The following FIBIN variants were observed in gnomAD, a reference collection of about 807,000 sequenced individuals.
FIBIN encodes the protein fin bud initiation factor homolog (zebrafish).
Under a neutral mutation model 13.0 loss-of-function variants are expected in FIBIN, and 8 were observed. The observed-to-expected ratio is 0.62, with a 90% CI of 0.36 to 1.11. FIBIN has a LOEUF of 1.11. Among genes scored for constraint, FIBIN ranks in the 50% most tolerant of loss-of-function variants. FIBIN has a pLI of 0.02. For missense variants in FIBIN, 261 were observed against 260.2 expected, an observed-to-expected ratio of 1.00 and a Z score of -0.02; for synonymous variants, 127 against 114.7, an observed-to-expected ratio of 1.11 and a Z score of -0.69.
Position 26,994,305 on chromosome 11 carries a change from G to A in FIBIN, c.-222G>A. On this transcript the variant is annotated 5_prime_UTR_variant, in exon 1 of 1. Coordinates refer to ENST00000318627, the MANE Select transcript of FIBIN (RefSeq NM_203371.2). ...GAGTTCCAGTCACCGAGCGAGGGGC[G>A]CAAGGGTGGGTGCATCCTGCGCTGC... 2 of 482,670 alleles carry A rather than the reference G, an allele frequency of 4.1e-6. No homozygotes were observed. Among genetic ancestry groups the A allele is most frequent in the Non-Finnish European group, 7.3e-6 (2 of 274,640 alleles). 29.9% of individuals were successfully genotyped at this position (482,670 alleles called of 1,614,324 possible). A position where few individuals can be genotyped will look rare whatever the true frequency, so the allele number is the denominator to read the frequency against.
Position 26,994,736 on chromosome 11 carries a change from C to T in FIBIN, c.210C>T (p.Ser70=), listed in dbSNP as rs997596003. The change falls in exon 1 of 1, where the codon AGC becomes AGT. Residue 70 remains serine (S), a synonymous_variant. Transcript: ENST00000318627. Reference sequence around the variant, plus strand: ...GGCGCTGCTCCCAGGGGGAGGGGAGCCAGGTTGGCAGCCTGCTGAGCCTCA... The same window carrying T: ...GGCGCTGCTCCCAGGGGGAGGGGAGTCAGGTTGGCAGCCTGCTGAGCCTCA... ...DHRRCSQGEG[S]QVGSLLSLTL... is the part of the protein sequence containing the mutation. 1.3e-5 allele frequency: 21 copies of T among 1,613,312 alleles called. No individual in the cohort carries two copies. Among genetic ancestry groups the T allele is most frequent in the Admixed American group, 1.2e-4 (7 of 59,932 alleles).
rs187633315 is a variant in FIBIN, at chr11:26,996,274, T to C, written c.*1112T>C. Among the ~76,000 whole-genome samples, 10 of 152,326 alleles carry C rather than the reference T, an allele frequency of 6.6e-5. No homozygotes were observed. In the East Asian group the frequency reaches 1.9e-3, roughly 29 times the overall value. ...AGCTACATATTTGGCAATTCTCCTC[T>C]CTGTAGTCACCCTGACATCCTCACA... On this transcript the variant is annotated 3_prime_UTR_variant, in exon 1 of 1. Transcript: ENST00000318627.
Position 26,994,431 on chromosome 11 carries a change from T to C in FIBIN, c.-96T>C. 1 of 1,228,720 alleles carries C rather than the reference T, an allele frequency of 8.1e-7. No homozygotes were observed. Among genetic ancestry groups the C allele is most frequent in the South Asian group, 1.4e-5 (1 of 69,172 alleles). 76.1% of individuals were successfully genotyped at this position (1,228,720 alleles called of 1,614,324 possible). A position where few individuals can be genotyped will look rare whatever the true frequency, so the allele number is the denominator to read the frequency against. Reference sequence around the variant, plus strand: ...AGCCAGCTGGGACTGAGGCGGACGCTGTCTCAGGGAGACGCTGACTCGCAA... The same window carrying C: ...AGCCAGCTGGGACTGAGGCGGACGCCGTCTCAGGGAGACGCTGACTCGCAA... On this transcript the variant is annotated 5_prime_UTR_variant, in exon 1 of 1. Transcript: ENST00000318627.
Position 26,994,606 on chromosome 11 carries a change from A to G in FIBIN, c.80A>G (p.Glu27Gly). The change falls in exon 1 of 1, where the codon GAG (glutamate) becomes GGG (glycine). Residue 27 changes from glutamate to glycine, a missense_variant. Transcript: ENST00000318627. Reference sequence around the variant, plus strand: ...TACTTCGATGGCCCCCTCTACCCAGAGATGTCCAATGGGACTCTGCACCAC... The same window carrying G: ...TACTTCGATGGCCCCCTCTACCCAGGGATGTCCAATGGGACTCTGCACCAC... ...QGYFDGPLYP[E>G]MSNGTLHHYF... The G allele has an allele frequency of 6.2e-7, 1 of 1,614,078 alleles. No individual in the cohort carries two copies. Among genetic ancestry groups the G allele is most frequent in the South Asian group, 1.1e-5 (1 of 91,086 alleles).
At position 26,994,390 on chromosome 11, in the gene FIBIN, G is replaced by A; in HGVS notation, c.-137G>A. 4 of 791,796 alleles carry A rather than the reference G, an allele frequency of 5.1e-6. No homozygotes were observed. Among genetic ancestry groups the A allele is most frequent in the Non-Finnish European group, 7.9e-6 (4 of 506,306 alleles). 49.0% of individuals were successfully genotyped at this position (791,796 alleles called of 1,614,324 possible). On this transcript the variant is annotated 5_prime_UTR_variant, in exon 1 of 1. Coordinates refer to ENST00000318627, the MANE Select transcript of FIBIN (RefSeq NM_203371.2). Reference sequence around the variant, plus strand: ...CCACATGAAGCCTGCTGGGGACTGGGGGCCAGGGAGCAGCAAGCCAGCTGG... The same window carrying A: ...CCACATGAAGCCTGCTGGGGACTGGAGGCCAGGGAGCAGCAAGCCAGCTGG...
Position 26,996,987 on chromosome 11 carries a change from AAAG to A in FIBIN, c.*1830_*1832del, listed in dbSNP as rs777185883. ...TGTTGCTTTCTAGACTTGTGTGTAG[AAAG>A]AAGATTAATGATCACTTAAAGTAGT... On this transcript the variant is annotated 3_prime_UTR_variant, in exon 1 of 1. Transcript: ENST00000318627. 1.3e-4 allele frequency among the ~76,000 whole-genome samples: 20 copies of A among 152,202 alleles called. No individual in the cohort carries two copies. Among genetic ancestry groups the A allele is most frequent in the African/African-American group, 3.1e-4 (13 of 41,462 alleles).
Position 26,994,575 on chromosome 11 carries a change from C to G in FIBIN, c.49C>G (p.Gln17Glu), listed in dbSNP as rs1850902074. ...FCMSFFCHLC[Q>E]GYFDGPLYPE... is the part of the protein sequence containing the mutation. ...CATGAGTTTCTTCTGCCACCTGTGTCAAGGCTACTTCGATGGCCCCCTCTA... is the reference window on the plus strand; with the variant it reads ...CATGAGTTTCTTCTGCCACCTGTGTGAAGGCTACTTCGATGGCCCCCTCTA... Residue 17 changes from glutamine to glutamate, a missense_variant, in exon 1 of 1, where the codon CAA (glutamine) becomes GAA (glutamate). Coordinates refer to ENST00000318627, the MANE Select transcript of FIBIN (RefSeq NM_203371.2). The G allele has an allele frequency of 1.2e-6, 2 of 1,612,872 alleles. No homozygotes were observed. The highest frequency in any genetic ancestry group is 2.2e-5 in the East Asian group (1 of 44,848).
Position 26,994,992 on chromosome 11 carries a change from A to G in FIBIN, c.466A>G (p.Ser156Gly). 6.2e-7 allele frequency: 1 copy of G among 1,614,064 alleles called. No homozygotes were observed. Among genetic ancestry groups the G allele is most frequent in the Non-Finnish European group, 8.5e-7 (1 of 1,180,000 alleles). The change falls in exon 1 of 1, where the codon AGC becomes GGC. Residue 156 changes from serine (S) to glycine (G), a missense_variant. By Grantham distance (56) the Ser-to-Gly change is moderately conservative. Transcript: ENST00000318627. Reference protein sequence around the residue: ...QGQEQDSRQESRLNEDFLGML... With the variant: ...QGQEQDSRQEGRLNEDFLGML... Reference sequence around the variant, plus strand: ...CCAGGAACAGGACAGCCGGCAGGAGAGCAGGCTCAACGAGGACTTTCTGGG... The same window carrying G: ...CCAGGAACAGGACAGCCGGCAGGAGGGCAGGCTCAACGAGGACTTTCTGGG...
rs1158141981 is a variant in FIBIN, at chr11:26,995,989, T to C, written c.*827T>C. 6.0e-6 allele frequency: 1 copy of C among 166,376 alleles called. No individual in the cohort carries two copies. The highest frequency in any genetic ancestry group is 1.5e-5 in the Non-Finnish European group (1 of 68,132). 10.3% of individuals were successfully genotyped at this position (166,376 alleles called of 1,614,324 possible). A position where few individuals can be genotyped will look rare whatever the true frequency, so the allele number is the denominator to read the frequency against. The stretch of plus-strand genomic sequence containing the variant: ...GCCTATGATTTAGGTTACCAATGTA[T>C]TCTTTCTCATTTGGGGTTTTGCTTC... On this transcript the variant is annotated 3_prime_UTR_variant, in exon 1 of 1. Transcript: ENST00000318627.
rs1850925304 is a variant in FIBIN at position 26,996,122 on chromosome 11, T to C, written c.*960T>C. 6.0e-6 allele frequency: 1 copy of C among 166,972 alleles called. No individual in the cohort carries two copies. The highest frequency in any genetic ancestry group is 1.5e-5 in the Non-Finnish European group (1 of 68,136). The allele number at this position is 166,972 out of a possible 1,614,324, so 10.3% of individuals were successfully genotyped here. On this transcript the variant is annotated 3_prime_UTR_variant, in exon 1 of 1. Transcript: ENST00000318627. ...AGGCAATAAACATGTTTTCATGTAATACTGGCTTACTTTGTAATTTACATC... is the reference window on the plus strand; with the variant it reads ...AGGCAATAAACATGTTTTCATGTAACACTGGCTTACTTTGTAATTTACATC...
In FIBIN at chr11:26,995,087, C is replaced by T. The variant is rs1850911454; in HGVS notation, c.561C>T (p.Tyr187=). Residue 187 remains tyrosine (Y), a synonymous_variant, in exon 1 of 1, where the codon TAC becomes TAT. Coordinates refer to ENST00000318627, the MANE Select transcript of FIBIN (RefSeq NM_203371.2). ...LDISVGLRDK[Y]ELLALTIRSH... Reference sequence around the variant, plus strand: ...TCTCTGTGGGGCTCAGGGACAAATACGAGCTGCTGGCCCTCACCATTAGGA... The same window carrying T: ...TCTCTGTGGGGCTCAGGGACAAATATGAGCTGCTGGCCCTCACCATTAGGA... 1 of 1,613,988 alleles carries T rather than the reference C, an allele frequency of 6.2e-7. No individual in the cohort carries two copies. The highest frequency in any genetic ancestry group is 8.5e-7 in the Non-Finnish European group (1 of 1,179,980).
chr11:26,995,305 T>C lies in FIBIN; in HGVS notation c.*143T>C, dbSNP rs1850914395. ...CACTTTGAGAATACATCTAAGGTCA[T>C]CTTTCAAAAGAGAAAAATTGGACAC... is the stretch of plus-strand genomic sequence containing the variant. On this transcript the variant is annotated 3_prime_UTR_variant, in exon 1 of 1. Coordinates refer to ENST00000318627, the MANE Select transcript of FIBIN (RefSeq NM_203371.2). 1 of 770,872 alleles carries C rather than the reference T, an allele frequency of 1.3e-6. No individual in the cohort carries two copies. Among genetic ancestry groups the C allele is most frequent in the East Asian group, 3.1e-5 (1 of 32,540 alleles). 47.8% of individuals were successfully genotyped at this position (770,872 alleles called of 1,614,324 possible).
chr11:26,995,226 A>C lies in FIBIN; in HGVS notation c.*64A>C. The C allele has an allele frequency of 6.8e-7, 1 of 1,479,230 alleles. No homozygotes were observed. Among genetic ancestry groups the C allele is most frequent in the Non-Finnish European group, 9.1e-7 (1 of 1,099,062 alleles). The allele number at this position is 1,479,230 out of a possible 1,614,324, so 91.6% of individuals were successfully genotyped here. Reference sequence around the variant, plus strand: ...AGCCCCGTTTTGGAGGGTGGGGGACAGAAGATGGGGCTACATTTCCCCCAT... The same window carrying C: ...AGCCCCGTTTTGGAGGGTGGGGGACCGAAGATGGGGCTACATTTCCCCCAT... On this transcript the variant is annotated 3_prime_UTR_variant, in exon 1 of 1. Transcript: ENST00000318627.
rs1403099605 is a variant in FIBIN, at chr11:26,995,193, A to G, written c.*31A>G. The stretch of plus-strand genomic sequence containing the variant: ...AGGATACAAATGCTAGAAAGAGGGA[A>G]TCAAATCAGCCCCGTTTTGGAGGGT... On this transcript the variant is annotated 3_prime_UTR_variant, in exon 1 of 1. Coordinates refer to ENST00000318627, the MANE Select transcript of FIBIN (RefSeq NM_203371.2). 1 of 1,549,732 alleles carries G rather than the reference A, an allele frequency of 6.5e-7. No homozygotes were observed. Among genetic ancestry groups the G allele is most frequent in the Non-Finnish European group, 8.7e-7 (1 of 1,148,584 alleles).
chr11:26,994,991 G>C lies in FIBIN; in HGVS notation c.465G>C (p.Glu155Asp). 6.2e-7 allele frequency: 1 copy of C among 1,614,098 alleles called. No individual in the cohort carries two copies. The part of the protein sequence containing the change: ...KQGQEQDSRQ[E>D]SRLNEDFLGM... ...GCCAGGAACAGGACAGCCGGCAGGA[G>C]AGCAGGCTCAACGAGGACTTTCTGG... The change falls in exon 1 of 1, where the codon GAG becomes GAC. Residue 155 changes from glutamate to aspartate, a missense_variant. Coordinates refer to ENST00000318627, the MANE Select transcript of FIBIN (RefSeq NM_203371.2).
chr11:26,994,261 CG>C lies in FIBIN; in HGVS notation c.-265del. 2.4e-6 allele frequency: 1 copy of C among 414,504 alleles called. No individual in the cohort carries two copies. The highest frequency in any genetic ancestry group is 4.3e-6 in the Non-Finnish European group (1 of 234,020). 25.7% of individuals were successfully genotyped at this position (414,504 alleles called of 1,614,324 possible). A position where few individuals can be genotyped will look rare whatever the true frequency, so the allele number is the denominator to read the frequency against. ...CCAGGGCCCCGGAGGAGGGGTTCCC[CG>C]CTACGCCTGTGCCGGAGGAGTTCCA... On this transcript the variant is annotated 5_prime_UTR_variant, in exon 1 of 1. Coordinates refer to ENST00000318627, the MANE Select transcript of FIBIN (RefSeq NM_203371.2).
rs1026887967 is a variant in FIBIN, at chr11:26,995,049, G to C, written c.523G>C (p.Glu175Gln). 8 of 1,614,012 alleles carry C rather than the reference G, an allele frequency of 5.0e-6. No individual in the cohort carries two copies. In the African/African-American group the frequency reaches 9.3e-5, roughly 19 times the overall value. Residue 175 changes from glutamate (E) to glutamine (Q), a missense_variant, in exon 1 of 1, where the codon GAG becomes CAG. Transcript: ENST00000318627. ...GGTCCACACCAGGTCCCTGCTGAAG[G>C]AGACACTGGACATCTCTGTGGGGCT... ...MLVHTRSLLK[E>Q]TLDISVGLRD... is the part of the protein sequence containing the mutation.
At position 26,994,613 on chromosome 11, in the gene FIBIN, C is replaced by A; in HGVS notation, c.87C>A (p.Ser29=). ...ATGGCCCCCTCTACCCAGAGATGTC[C>A]AATGGGACTCTGCACCACTACTTCG... ...YFDGPLYPEM[S]NGTLHHYFVP... is the part of the protein sequence containing the mutation. The change falls in exon 1 of 1, where the codon TCC becomes TCA. Residue 29 remains serine (S), a synonymous_variant. Coordinates refer to ENST00000318627, the MANE Select transcript of FIBIN (RefSeq NM_203371.2). The A allele has an allele frequency of 6.2e-7, 1 of 1,614,070 alleles. No individual in the cohort carries two copies. Among genetic ancestry groups the A allele is most frequent in the Non-Finnish European group, 8.5e-7 (1 of 1,180,008 alleles).
At position 26,996,556 on chromosome 11, in the gene FIBIN, C is replaced by G. The variant is rs1850930236; in HGVS notation, c.*1394C>G. Among the ~76,000 whole-genome samples, 3 of 152,106 alleles carry G rather than the reference C, an allele frequency of 2.0e-5. No homozygotes were observed. The South Asian group carries it at 6.2e-4, about 31-fold the overall frequency. Reference sequence around the variant, plus strand: ...GATGCACTTTATTTAATGTCTTTCCCTAGCTAATTCTTACTCTCACCTTAA... The same window carrying G: ...GATGCACTTTATTTAATGTCTTTCCGTAGCTAATTCTTACTCTCACCTTAA... On this transcript the variant is annotated 3_prime_UTR_variant, in exon 1 of 1. Transcript: ENST00000318627.
Sources: allele counts gnomAD v4.1 joint callset (sites outside exome capture counted in the v4.1 genomes callset), GRCh38; gene constraint gnomAD v4.1.1; transcripts MANE v1.5; gene names NCBI Gene and HGNC (gene_info 2026-07-23, HGNC 2026-07-21).